ADNP2: variants seen among roughly 807,000 people sequenced by gnomAD.
The protein encoded by ADNP2 is ADNP homeobox 2.
A neutral mutation model predicts 16.4 loss-of-function variants in ADNP2; 8 were observed. The observed-to-expected ratio is 0.49, with a 90% CI of 0.29 to 0.88. The LOEUF (loss-of-function observed/expected upper bound fraction) is 0.88. Among genes scored for constraint, ADNP2 ranks in the 40% least tolerant of loss-of-function variants. The pLI is 0.09. For synonymous variants in ADNP2, 637 were observed against 545.8 expected, an observed-to-expected ratio of 1.17 and a Z score of -2.33; for missense variants, 1,397 against 1,395.1, an observed-to-expected ratio of 1.00 and a Z score of -0.02.
In ADNP2 at chr18:80,121,090, C is replaced by G. The variant is rs917094276; in HGVS notation, c.108+3440C>G. Among the ~76,000 whole-genome samples, 3 of 152,280 alleles carry G rather than the reference C, an allele frequency of 2.0e-5. 1 individual carries two copies. The highest frequency in any genetic ancestry group is 3.4e-3 in the Middle Eastern group (1 of 294). On this transcript the variant is annotated intron_variant, in intron 2 of 3. Transcript: ENST00000262198. ...CAGTGAAAGTGCACCATTTTACATT[C>G]CTACCAGAAGTGTACAAGAATTAAA...
intron 1 of ADNP2, among the ~76,000 whole-genome samples, chr18:80,115,693 G>A (rs1409254547): frequency 6.6e-5 from 10 of 152,126 alleles, no homozygotes; most frequent in Non-Finnish European, 1.5e-4. Context: ...TTCACATTGC[G>A]TATACATCAC....
intron 2 of ADNP2, among the ~76,000 whole-genome samples, chr18:80,129,095 C>A (rs2052478821): frequency 1.5e-5 from 2 of 132,210 alleles, no homozygotes; most frequent in East Asian, 2.1e-4. Context: ...TTACCCAGAA[C>A]TTTTTTTTTG....
At position 80,135,726 on chromosome 18, in the gene ADNP2, G is replaced by A. The variant is rs753484134; in HGVS notation, c.313G>A (p.Val105Met). The A allele has an allele frequency of 3.7e-6, 6 of 1,614,186 alleles. No individual in the cohort carries two copies. Among genetic ancestry groups the A allele is most frequent in the Non-Finnish European group, 4.2e-6 (5 of 1,180,046 alleles). ...TGAAGATGAAATTGACCAAGAGCTGGTGATCCCTTGCCCAAACTGTGTATT... is the reference window on the plus strand; with the variant it reads ...TGAAGATGAAATTGACCAAGAGCTGATGATCCCTTGCCCAAACTGTGTATT... ...YHEDEIDQELVIPCPNCVFAS... is the reference protein window; with the variant it reads ...YHEDEIDQELMIPCPNCVFAS... The change falls in exon 4 of 4, where the codon GTG becomes ATG. Residue 105 changes from valine (V) to methionine (M), a missense_variant. This residue lies in a region of ADNP2 where 777 missense variants were observed against 719.4 expected (regional missense o/e 1.08). Transcript: ENST00000262198.
intron 2 of ADNP2, among the ~76,000 whole-genome samples, chr18:80,118,452 T>C (rs916425119): frequency 3.9e-5 from 6 of 152,026 alleles, no homozygotes; most frequent in Non-Finnish European, 8.8e-5. Context: ...AAAGTTCTTA[T>C]ATATCCTTGT....
Position 80,137,904 on chromosome 18 carries a change from A to G in ADNP2, c.2491A>G (p.Lys831Glu), listed in dbSNP as rs781079310. 18 of 1,613,804 alleles carry G rather than the reference A, an allele frequency of 1.1e-5. No homozygotes were observed. The highest frequency in any genetic ancestry group is 2.7e-5 in the African/African-American group (2 of 74,916). ...CCTTGATTTCATCACCATATTGCCA[A>G]AGGAGAAGCTTGGGGAGCGGGAAGT... is the stretch of plus-strand genomic sequence containing the variant. ...PHLDFITILPKEKLGEREVYL... is the reference protein window; with the variant it reads ...PHLDFITILPEEKLGEREVYL... The change falls in exon 4 of 4, where the codon AAG becomes GAG. Residue 831 changes from lysine (K) to glutamate (E), a missense_variant. Physicochemically the swap from Lys to Glu is moderately conservative, Grantham distance 56 (BLOSUM62 1). Coordinates refer to ENST00000262198, the MANE Select transcript of ADNP2 (RefSeq NM_014913.4). The surrounding 1 kb of genome is among the most constrained non-coding windows in gnomAD (Gnocchi z 4.2).
At position 80,133,168 on chromosome 18, in the gene ADNP2, C is replaced by A; in HGVS notation, c.174C>A (p.Leu58=). The A allele has an allele frequency of 1.2e-6, 2 of 1,613,566 alleles. No homozygotes were observed. The highest frequency in any genetic ancestry group is 1.7e-6 in the Non-Finnish European group (2 of 1,179,568). The change falls in exon 3 of 4, where the codon CTC becomes CTA. Residue 58 remains leucine (L), a synonymous_variant. Transcript: ENST00000262198. ...FHNTSWGDVS[L]WEPSGKKVRY... is the part of the protein sequence containing the mutation. The stretch of plus-strand genomic sequence containing the variant: ...ACACATCATGGGGTGATGTTTCTCT[C>A]TGGGAACCTTCTGGAAAGAAAGTGG...
intron 1 of ADNP2, among the ~76,000 whole-genome samples, chr18:80,111,455 C>T (rs1599800320): frequency 6.6e-6 from 1 of 152,098 alleles, no homozygotes; most frequent in East Asian, 1.9e-4. Context: ...AACCCGGGCA[C>T]ACAACTCCAG....
rs373960178 is a variant in ADNP2 at position 80,138,591 on chromosome 18, G to T, written c.3178G>T (p.Asp1060Tyr). ...TGAAGAAAAGAAGCAATTTCTTAAA[G>T]ATTATTTCCATAAGAAACCATATCC... ...SYEEKKQFLK[D>Y]YFHKKPYPSK... The change falls in exon 4 of 4, where the codon GAT becomes TAT. Residue 1060 changes from aspartate (D) to tyrosine (Y), a missense_variant. Asp to Tyr is a radical substitution (Grantham distance 160, BLOSUM62 -3). Around this residue, in one of 3 missense-constraint regions of ADNP2, gnomAD observed 611 missense variants for 648.7 expected, o/e 0.94. Transcript: ENST00000262198. 2.5e-6 allele frequency: 4 copies of T among 1,609,278 alleles called. No individual in the cohort carries two copies. Among genetic ancestry groups the T allele is most frequent in the South Asian group, 2.2e-5 (2 of 89,584 alleles).
At position 80,125,410 on chromosome 18, in the gene ADNP2, G is replaced by A. The variant is rs147222524; in HGVS notation, c.109-7693G>A. On this transcript the variant is annotated intron_variant, in intron 2 of 3. Coordinates refer to ENST00000262198, the MANE Select transcript of ADNP2 (RefSeq NM_014913.4). Reference sequence around the variant, plus strand: ...TGTAATCCCAGCACTTTGGGAGGCCGAGGTGGGCGGATCACGAGGTCAGGA... The same window carrying A: ...TGTAATCCCAGCACTTTGGGAGGCCAAGGTGGGCGGATCACGAGGTCAGGA... 2.4e-4 allele frequency among the ~76,000 whole-genome samples: 37 copies of A among 152,304 alleles called. No homozygotes were observed. In the East Asian group the frequency reaches 6.9e-3, roughly 29 times the overall value.
chr18:80,136,874 C>G lies in ADNP2; in HGVS notation c.1461C>G (p.Leu487=). ...GCCAGATGGTCCAGTCAGGAGTTCT[C>G]CCTGTGGGCCAGACAGCTCCGTCAC... ...PTGQMVQSGV[L]PVGQTAPSRV... is the part of the protein sequence containing the mutation. Residue 487 remains leucine (L), a synonymous_variant, in exon 4 of 4, where the codon CTC becomes CTG. Transcript: ENST00000262198. The G allele has an allele frequency of 6.2e-7, 1 of 1,613,918 alleles. No individual in the cohort carries two copies. Among genetic ancestry groups the G allele is most frequent in the Non-Finnish European group, 8.5e-7 (1 of 1,179,936 alleles).
intron 1 of ADNP2, among the ~76,000 whole-genome samples, chr18:80,116,560 A>G (rs149195219): frequency 5.1e-4 from 77 of 149,698 alleles, no homozygotes; most frequent in African/African-American, 1.6e-3. Flanking sequence ...TTTTTTCTTT[A>G]TAGATATCCT....
At position 80,138,041 on chromosome 18, in the gene ADNP2, C is replaced by T. The variant is rs1341700677; in HGVS notation, c.2628C>T (p.Thr876=). Residue 876 remains threonine, a synonymous_variant, in exon 4 of 4, where the codon ACC becomes ACT. Coordinates refer to ENST00000262198, the MANE Select transcript of ADNP2 (RefSeq NM_014913.4). ...GGAGCACCGGCAAGCGAGTGTCCAC[C>T]TGCCCCTTTTGCTTTGGCCCCTTTG... ...TPGSTGKRVS[T]CPFCFGPFVT... The T allele has an allele frequency of 6.2e-7, 1 of 1,613,694 alleles. No homozygotes were observed. Among genetic ancestry groups the T allele is most frequent in the African/African-American group, 1.3e-5 (1 of 74,942 alleles).
In ADNP2 at chr18:80,138,518, T is replaced by C; in HGVS notation, c.3105T>C (p.Ala1035=). ...AGGGACCTATTGTCAAGGACGAGGC[T>C]CTTCAGATTTTAGCATTAGATCCTA... ...RTEGPIVKDE[A]LQILALDPKK... The change falls in exon 4 of 4, where the codon GCT becomes GCC. Residue 1035 remains alanine (A), a synonymous_variant. Transcript: ENST00000262198. The C allele has an allele frequency of 6.2e-7, 1 of 1,614,080 alleles. No individual in the cohort carries two copies. The highest frequency in any genetic ancestry group is 8.5e-7 in the Non-Finnish European group (1 of 1,180,024).
chr18:80,130,345 C>G (rs2052488015), intron 2 of ADNP2, among the ~76,000 whole-genome samples: 1 of 152,214 alleles, frequency 6.6e-6, no homozygotes, highest in Non-Finnish European at 1.5e-5. Context: ...CTGTCCATAT[C>G]ACGCGATTAT....
chr18:80,130,298 C>T (rs2052487746), intron 2 of ADNP2, among the ~76,000 whole-genome samples: 3 of 152,298 alleles, frequency 2.0e-5, no homozygotes, highest in Middle Eastern at 6.8e-3. Context: ...AAGTTGGCTT[C>T]GTGAGCTAAT....
chr18:80,130,196 C>T (rs1212067648), intron 2 of ADNP2, among the ~76,000 whole-genome samples: 1 of 152,182 alleles, frequency 6.6e-6, no homozygotes. Flanking sequence ...CATGACCCCT[C>T]CCCTAAAGGG....
rs868112613 is a variant in ADNP2 at position 80,131,175 on chromosome 18, C to T, written c.109-1928C>T. ...AGGATGCTGCTGCTGTGGGAGGTCTCGGCTCATGCATTTCTGGCCTCTGGA... is the reference window on the plus strand; with the variant it reads ...AGGATGCTGCTGCTGTGGGAGGTCTTGGCTCATGCATTTCTGGCCTCTGGA... On this transcript the variant is annotated intron_variant, in intron 2 of 3. Transcript: ENST00000262198. 4.6e-5 allele frequency among the ~76,000 whole-genome samples: 7 copies of T among 152,240 alleles called. No homozygotes were observed. The East Asian group carries it at 7.7e-4, about 17-fold the overall frequency.
intron 3 of ADNP2, 50 bp from the exon 4 acceptor site, chr18:80,135,562 C>A: frequency 6.7e-7 from 1 of 1,495,824 alleles, no homozygotes; most frequent in Admixed American, 1.9e-5. Flanking sequence ...GGAAGGTTAG[C>A]ATCTGACAGT....
intron 2 of ADNP2, among the ~76,000 whole-genome samples, chr18:80,121,754 G>A (rs968240954): frequency 6.6e-6 from 1 of 152,152 alleles, no homozygotes; most frequent in African/African-American, 2.4e-5. Flanking sequence ...CATGTAGATA[G>A]AAATTCAGTC....
Sources: gnomAD v4.1 joint callset for allele counts (sites outside exome capture counted in the v4.1 genomes callset) on GRCh38, gnomAD v4.1.1 for gene constraint, gnomAD v4.1.1 regional missense constraint, Gnocchi (gnomAD v3.1) non-coding constraint, MANE v1.5 for transcripts, NCBI Gene and HGNC (gene_info 2026-07-23, HGNC 2026-07-21) for gene names.